Variants in MAST4 observed in about 807,000 individuals in gnomAD.
MAST4 encodes microtubule associated serine/threonine kinase family member 4, also known as microtubule-associated serine/threonine-protein kinase 4.
MAST4 carries 89 observed loss-of-function variants against 162.7 expected under a neutral mutation model. That is an observed-to-expected ratio of 0.55 (90% CI 0.46 to 0.65). MAST4 has a LOEUF of 0.65. Ranked by LOEUF, MAST4 falls within the 30% of genes least tolerant of loss-of-function variation. The probability of loss-of-function intolerance (pLI) is 0.00; values close to 1 mark genes in which losing one functional copy is unlikely to be tolerated. For synonymous variants in MAST4, 1,479 were observed against 1,361.1 expected, an observed-to-expected ratio of 1.09 and a Z score of -1.91; for missense variants, 3,153 against 3,374.0, an observed-to-expected ratio of 0.93 and a Z score of 1.62.
intron 1 of MAST4, among the ~76,000 whole-genome samples, chr5:66,699,015 C>A (rs1316441623): frequency 6.6e-6 from 1 of 152,198 alleles, no homozygotes; most frequent in African/African-American, 2.4e-5. Context: ...CAGTTTATAT[C>A]ATTTCTCTGC....
intron 4 of MAST4, among the ~76,000 whole-genome samples, chr5:66,945,011 C>T (rs780869479): frequency 1.1e-4 from 17 of 152,154 alleles, no homozygotes; most frequent in African/African-American, 1.7e-4. Flanking sequence ...TTCACAGGAC[C>T]GTGGGGATTA....
At chr5:66,603,552 C>G (rs2149384623) in intron 1 of MAST4, among the ~76,000 whole-genome samples, 1 of 152,250 alleles carries the variant, frequency 6.6e-6, no homozygotes, top group East Asian at 1.9e-4. Context: ...AAAGATGGTG[C>G]AAGGCAGATG....
rs112949247 is a variant in MAST4 at position 66,870,039 on chromosome 5, T to C, written c.643-29912T>C. On this transcript the variant is annotated intron_variant, in intron 3 of 28. Transcript: ENST00000403625. ...AAATATAGTACCTTGGGTGGTGTGTTTGTGTGTTTGGCATGGAATGAATAA... is the reference window on the plus strand; with the variant it reads ...AAATATAGTACCTTGGGTGGTGTGTCTGTGTGTTTGGCATGGAATGAATAA... Among the ~76,000 whole-genome samples the C allele has an allele frequency of 2.4e-3, 361 of 152,270 alleles. 5 individuals are homozygous for C. The highest frequency in any genetic ancestry group is 8.3e-3 in the African/African-American group (343 of 41,538).
intron 6 of MAST4, among the ~76,000 whole-genome samples, chr5:67,095,126 A>G (rs1165436983): frequency 6.6e-6 from 1 of 152,206 alleles, no homozygotes; most frequent in East Asian, 1.9e-4. Context: ...AAGCATGATG[A>G]GTATAACTGT....
chr5:66,869,949 C>T (rs1207706211), intron 3 of MAST4, among the ~76,000 whole-genome samples: 1 of 152,152 alleles, frequency 6.6e-6, no homozygotes, highest in Non-Finnish European at 1.5e-5. Context: ...TGTTGTCCAG[C>T]TCTGAGAGGT....
intron 3 of MAST4, among the ~76,000 whole-genome samples, chr5:66,846,057 G>C (rs1193206404): frequency 6.6e-6 from 1 of 152,110 alleles, no homozygotes; most frequent in East Asian, 1.9e-4. Context: ...TCAGTTTTTA[G>C]AGAAGAAAAC....
intron 1 of MAST4, among the ~76,000 whole-genome samples, chr5:66,738,605 G>A (rs193169376): frequency 1.3e-5 from 2 of 152,292 alleles, no homozygotes; most frequent in Admixed American, 6.5e-5. Flanking sequence ...TGCTAGGTAC[G>A]GCGGAGGAGA....
Position 66,805,121 on chromosome 5 carries a change from A to G in MAST4, c.642+16327A>G, listed in dbSNP as rs10037887. Among the ~76,000 whole-genome samples the G allele has an allele frequency of 2.2e-3, 333 of 152,288 alleles. 2 individuals are homozygous for G. The highest frequency in any genetic ancestry group is 7.6e-3 in the African/African-American group (317 of 41,560). On this transcript the variant is annotated intron_variant, in intron 3 of 28. Transcript: ENST00000403625. ...TTTCTTCTCATATCTTTAGGGGTTA[A>G]TATTTAGTGTTTAACCTGTTTGGAA...
At chr5:66,881,901 G>A (rs925407873) in intron 3 of MAST4, among the ~76,000 whole-genome samples, 1 of 152,116 alleles carries the variant, frequency 6.6e-6, no homozygotes, top group Non-Finnish European at 1.5e-5. Context: ...ACAAAATTAA[G>A]CATTTAACCA....
intron 4 of MAST4, chr5:66,916,843 TTTTA>T: frequency 1.7e-6 from 1 of 589,410 alleles, no homozygotes. Context: ...ATATACCACA[TTTTA>T]TTTAACCATT....
At position 66,896,224 on chromosome 5, in the gene MAST4, G is replaced by C. The variant is rs189565373; in HGVS notation, c.643-3727G>C. 4.8e-3 allele frequency among the ~76,000 whole-genome samples: 737 copies of C among 152,132 alleles called. 4 individuals are homozygous for C. Among genetic ancestry groups the C allele is most frequent in the Non-Finnish European group, 4.4e-3 (299 of 68,006 alleles). On this transcript the variant is annotated intron_variant, in intron 3 of 28. Transcript: ENST00000403625. ...TGTTTTTAGAAGGTCCCTCCATTTG[G>C]GTTCACCTGAGGCTTTTTCACGATT...
In MAST4 at chr5:66,624,980, G is replaced by A. The variant is rs576153836; in HGVS notation, c.363+27962G>A. 1.8e-4 allele frequency among the ~76,000 whole-genome samples: 27 copies of A among 152,264 alleles called. 1 individual carries two copies. The highest frequency in any genetic ancestry group is 6.3e-4 in the African/African-American group (26 of 41,546). On this transcript the variant is annotated intron_variant, in intron 1 of 28. Coordinates refer to ENST00000403625, the MANE Select transcript of MAST4 (RefSeq NM_001164664.2). ...GGATATAGCAACAAAAGCAAAAATGGTATTACATAAAACTAAAAAGCTTCG... is the reference window on the plus strand; with the variant it reads ...GGATATAGCAACAAAAGCAAAAATGATATTACATAAAACTAAAAAGCTTCG...
intron 1 of MAST4, among the ~76,000 whole-genome samples, chr5:66,716,007 A>G (rs1750815044): frequency 6.6e-6 from 1 of 152,138 alleles, no homozygotes. Context: ...TAAAAAATAC[A>G]TTTTAATTTT....
intron 4 of MAST4, among the ~76,000 whole-genome samples, chr5:67,016,819 T>C (rs968317584): frequency 1.1e-4 from 17 of 152,296 alleles, no homozygotes; most frequent in Non-Finnish European, 2.9e-5. Flanking sequence ...TTCACATAAG[T>C]GTATATGTTA....
chr5:66,834,348 G>C (rs985736653), intron 3 of MAST4, among the ~76,000 whole-genome samples: 13 of 152,110 alleles, frequency 8.5e-5, no homozygotes, highest in Admixed American at 6.5e-5. Context: ...TGTGACCTTA[G>C]GTAAAAGGAC....
chr5:67,075,984 G>GATTA, intron 5 of MAST4, among the ~76,000 whole-genome samples: 1 of 152,162 alleles, frequency 6.6e-6, no homozygotes, highest in Non-Finnish European at 1.5e-5. Context: ...CATTGCCCAT[G>GATTA]ATTAATTGGT....
Position 67,166,028 on chromosome 5 carries a change from C to T in MAST4, c.6849C>T (p.Asp2283=), listed in dbSNP as rs762560806. The change falls in exon 29 of 29, where the codon GAC becomes GAT. Residue 2283 remains aspartate, a synonymous_variant. Transcript: ENST00000403625. ...TGCACACTGACAGGGCTCCTCTAGACGCCAAGCCACAACCCACCAGTGGTG... is the reference window on the plus strand; with the variant it reads ...TGCACACTGACAGGGCTCCTCTAGATGCCAAGCCACAACCCACCAGTGGTG... ...VPLHTDRAPL[D]AKPQPTSGGR... 5 of 1,613,284 alleles carry T rather than the reference C, an allele frequency of 3.1e-6. No individual in the cohort carries two copies. The highest frequency in any genetic ancestry group is 4.5e-5 in the East Asian group (2 of 44,864).
chr5:66,845,879 C>G (rs947311948), intron 3 of MAST4, among the ~76,000 whole-genome samples: 2 of 152,126 alleles, frequency 1.3e-5, no homozygotes, highest in Non-Finnish European at 2.9e-5. Context: ...ATATTTGGCC[C>G]TCTTCTGTGC....
At chr5:66,907,678 T>G (rs1763476407) in intron 4 of MAST4, among the ~76,000 whole-genome samples, 4 of 151,286 alleles carry the variant, frequency 2.6e-5, no homozygotes, top group Admixed American at 2.6e-4. Flanking sequence ...CTGTTATATA[T>G]CAGAAAATAC....
Sources: gnomAD v4.1 joint callset for allele counts (sites outside exome capture counted in the v4.1 genomes callset) on GRCh38, gnomAD v4.1.1 for gene constraint, MANE v1.5 for transcripts, NCBI Gene and HGNC (gene_info 2026-07-23, HGNC 2026-07-21) for gene names.